The following ZFHX3 variants were observed in gnomAD, a reference collection of about 807,000 sequenced individuals.
ZFHX3 encodes the protein zinc finger homeobox 3, also known as zinc finger homeobox protein 3.
In ZFHX3, 42 loss-of-function variants were observed where a neutral mutation model predicts 279.1. That is an observed-to-expected ratio of 0.15 (90% CI 0.12 to 0.19). ZFHX3 has a LOEUF of 0.19. Ranked by LOEUF, ZFHX3 falls within the 10% of genes least tolerant of loss-of-function variation. The probability of loss-of-function intolerance (pLI) is 1.00; values close to 1 mark genes in which losing one functional copy is unlikely to be tolerated. For synonymous variants in ZFHX3, 2,293 were observed against 1,957.8 expected, an observed-to-expected ratio of 1.17 and a Z score of -4.52; for missense variants, 4,981 against 4,754.0, an observed-to-expected ratio of 1.05 and a Z score of -1.40.
chr16:73,063,694 C>T (rs1215140895), upstream of ZFHX3, among the ~76,000 whole-genome samples: 1 of 152,164 alleles, frequency 6.6e-6, no homozygotes, highest in African/African-American at 2.4e-5. Flanking sequence ...AGACTCCTGT[C>T]ACAGTCCCCA....
intron 3 of ZFHX3, among the ~76,000 whole-genome samples, chr16:73,448,451 A>C (rs1182327687): frequency 1.3e-5 from 2 of 152,206 alleles, no homozygotes; most frequent in Non-Finnish European, 2.9e-5. Context: ...TTATAGAACT[A>C]ATAAATAAAT....
chr16:73,211,638 A>G (rs1264643048), intron 5 of ZFHX3, among the ~76,000 whole-genome samples: 1 of 151,908 alleles, frequency 6.6e-6, no homozygotes, highest in Non-Finnish European at 1.5e-5. Context: ...GCAAAATTCC[A>G]TGCATTTGTA....
Position 72,788,518 on chromosome 16 carries a change from G to A in ZFHX3, c.9758C>T (p.Pro3253Leu). 6.2e-7 allele frequency: 1 copy of A among 1,614,184 alleles called. No individual in the cohort carries two copies. Among genetic ancestry groups the A allele is most frequent in the Non-Finnish European group, 8.5e-7 (1 of 1,180,034 alleles). The change falls in exon 10 of 10, where the codon CCC becomes CTC. Residue 3253 changes from proline (P) to leucine (L), a missense_variant. Pro to Leu is a moderately conservative substitution (Grantham distance 98, BLOSUM62 -3). This residue lies in a region of ZFHX3 where 1,034 missense variants were observed against 786.0 expected (regional missense o/e 1.32). Transcript: ENST00000268489. ...KEKAHKGKGEPLPVPKKEKGE... is the reference protein window; with the variant it reads ...KEKAHKGKGELLPVPKKEKGE... ...TTTCTCCTTCTTGGGGACAGGCAGGGGTTCCCCTTTCCCTTTGTGTGCCTT... is the reference window on the plus strand; with the variant it reads ...TTTCTCCTTCTTGGGGACAGGCAGGAGTTCCCCTTTCCCTTTGTGTGCCTT...
At chr16:73,815,544 C>A (rs1020341483) in intron 1 of ZFHX3, 1 of 151,774 alleles carries the variant, frequency 6.6e-6, no homozygotes, top group Admixed American at 6.6e-5. Context: ...TACTGTTTAC[C>A]TATTTTCTGT....
rs202133340 is a variant in ZFHX3 at position 72,959,266 on chromosome 16, C to T, written c.880G>A (p.Val294Ile). 8.7e-6 allele frequency: 14 copies of T among 1,614,182 alleles called. No individual in the cohort carries two copies. The highest frequency in any genetic ancestry group is 5.5e-5 in the South Asian group (5 of 91,080). ...CFLCKLSFGY[V>I]RSFVTHAVHD... ...ACCGCGTGGGTCACAAACGAACGGA[C>T]GTACCCAAAGGAGAGTTTGCACAAG... The change falls in exon 2 of 10, where the codon GTC becomes ATC. Residue 294 changes from valine (V) to isoleucine (I), a missense_variant. Val to Ile is a conservative substitution (Grantham distance 29). Coordinates refer to ENST00000268489, the MANE Select transcript of ZFHX3 (RefSeq NM_006885.4).
At chr16:73,841,006 G>A (rs901170425) in intron 1 of ZFHX3, among the ~76,000 whole-genome samples, 2 of 152,184 alleles carry the variant, frequency 1.3e-5, no homozygotes, top group African/African-American at 4.8e-5. Context: ...AGCAGGTGGT[G>A]AAAAATGCAT....
intron 3 of ZFHX3, among the ~76,000 whole-genome samples, chr16:73,341,318 G>A (rs906533768): frequency 6.6e-6 from 1 of 152,142 alleles, no homozygotes; most frequent in African/African-American, 2.4e-5. Flanking sequence ...TCCAGCCTGC[G>A]TGACAGAGCA....
At chr16:73,855,866 A>G (rs534877678) in intron 1 of ZFHX3, among the ~76,000 whole-genome samples, 135 of 152,340 alleles carry the variant, frequency 8.9e-4, no homozygotes, top group South Asian at 2.7e-3. Flanking sequence ...TACAGATAAC[A>G]CAGTGCTGCA....
At chr16:73,068,572 C>T (rs1384623595) in intron 8 of ZFHX3, among the ~76,000 whole-genome samples, 11 of 152,202 alleles carry the variant, frequency 7.2e-5, no homozygotes, top group Admixed American at 4.6e-4. Flanking sequence ...TTTCCAGCCT[C>T]GGCTGGCCAT....
At chr16:73,546,270 T>TC (rs2020106620) in intron 2 of ZFHX3, among the ~76,000 whole-genome samples, 1 of 152,136 alleles carries the variant, frequency 6.6e-6, no homozygotes, top group African/African-American at 2.4e-5. Flanking sequence ...AAATCATTTT[T>TC]CCCCTCGATT....
At chr16:73,308,859 A>G (rs2015256531) in intron 4 of ZFHX3, among the ~76,000 whole-genome samples, 1 of 150,400 alleles carries the variant, frequency 6.6e-6, no homozygotes, top group African/African-American at 2.4e-5. Context: ...TATCTTAAAA[A>G]TATATAGATA....
chr16:73,582,327 A>C (rs1273480083), intron 2 of ZFHX3, among the ~76,000 whole-genome samples: 1 of 151,806 alleles, frequency 6.6e-6, no homozygotes, highest in African/African-American at 2.4e-5. Context: ...GGTTGTCTAA[A>C]CTTTATAAAC....
At position 73,784,796 on chromosome 16, in the gene ZFHX3, A is replaced by AAAAAATAT. The variant is rs56734827; in HGVS notation, c.-1607-104557_-1607-104556insATATTTTT. On this transcript the variant is annotated intron_variant, in intron 1 of 17. Transcript: ENST00000641206. Reference sequence around the variant, plus strand: ...CTATTTTTAACAAAATAAAAAAAAAAATATATATATATATATATATACACA... The same window carrying AAAAAATAT: ...CTATTTTTAACAAAATAAAAAAAAAAAAAAATATATATATATATATATATATATACACA... Among the ~76,000 whole-genome samples the AAAAAATAT allele has an allele frequency of 8.0e-4, 105 of 131,072 alleles. No homozygotes were observed. The East Asian group carries it at 0.011, about 14-fold the overall frequency. The allele number at this position is 131,072 out of a possible 152,430, so 86.0% of individuals were successfully genotyped here. A position where few individuals can be genotyped will look rare whatever the true frequency, so the allele number is the denominator to read the frequency against.
chr16:72,863,287 G>A (rs1156581114), intron 4 of ZFHX3, among the ~76,000 whole-genome samples: 1 of 139,894 alleles, frequency 7.1e-6, no homozygotes, highest in Non-Finnish European at 1.5e-5. Flanking sequence ...AGGATTGCTT[G>A]AGCTCAGGAA....
intron 2 of ZFHX3, among the ~76,000 whole-genome samples, chr16:73,488,362 G>C (rs1401252709): frequency 6.6e-6 from 1 of 152,164 alleles, no homozygotes; most frequent in Admixed American, 6.5e-5. Context: ...GGACCTGCAC[G>C]GGGTGGGGTA....
Position 72,957,800 on chromosome 16 carries a change from C to G in ZFHX3, c.2346G>C (p.Ala782=). ...CGCAGGAGCTACTGATATTGGCTGC[C>G]GCCGCCGCCGCAGCCACCGCCGCCG... The part of the protein sequence containing the change: ...AAAAAVAAAA[A]AANISSSCGA... The change falls in exon 2 of 10, where the codon GCG becomes GCC. Residue 782 remains alanine, a synonymous_variant. Transcript: ENST00000268489. The G allele has an allele frequency of 1.5e-6, 2 of 1,331,134 alleles. No homozygotes were observed. The highest frequency in any genetic ancestry group is 2.6e-5 in the South Asian group (2 of 77,340). The allele number at this position is 1,331,134 out of a possible 1,614,324, so 82.5% of individuals were successfully genotyped here. A position where few individuals can be genotyped will look rare whatever the true frequency, so the allele number is the denominator to read the frequency against.
At chr16:72,908,763 G>C (rs1029174842) in intron 3 of ZFHX3, among the ~76,000 whole-genome samples, 1 of 152,168 alleles carries the variant, frequency 6.6e-6, no homozygotes, top group Non-Finnish European at 1.5e-5. Context: ...ACGGCGATAC[G>C]AGAACCTACT....
intron 1 of ZFHX3, among the ~76,000 whole-genome samples, chr16:73,744,107 T>A (rs1428024064): frequency 6.6e-6 from 1 of 152,242 alleles, no homozygotes; most frequent in Non-Finnish European, 1.5e-5. Context: ...AAATTAATCC[T>A]TGTAAGACAC....
chr16:73,624,465 AG>A (rs35786444), intron 2 of ZFHX3, among the ~76,000 whole-genome samples: 84,782 of 151,878 alleles, frequency 0.56, 26,386 homozygotes, highest in East Asian at 0.82. Flanking sequence ...ACCTAGAGTC[AG>A]GGGGCAGGAG....
Sources: gnomAD v4.1 joint callset for allele counts (sites outside exome capture counted in the v4.1 genomes callset) on GRCh38, gnomAD v4.1.1 for gene constraint, gnomAD v4.1.1 regional missense constraint, MANE v1.5 for transcripts, NCBI Gene and HGNC (gene_info 2026-07-23, HGNC 2026-07-21) for gene names.